The following CACNA1E variants were observed in gnomAD, a reference collection of about 807,000 sequenced individuals.
CACNA1E encodes the protein calcium voltage-gated channel subunit alpha1 E, also known as voltage-dependent R-type calcium channel subunit alpha-1E.
A neutral mutation model predicts 259.2 loss-of-function variants in CACNA1E; 40 were observed. The ratio of observed to expected loss-of-function variants is 0.15; its 90% CI spans 0.12 to 0.20. The LOEUF is 0.20. CACNA1E is among the 10% of genes least tolerant of loss of function. CACNA1E has a pLI of 1.00. For synonymous variants in CACNA1E, 1,104 were observed against 1,138.5 expected (o/e 0.97, Z 0.61); for missense variants, 1,874 against 3,040.1 (o/e 0.62, Z 9.02).
intron 1 of CACNA1E, among the ~76,000 whole-genome samples, chr1:181,335,905 ACTGT>A (rs889145748): frequency 2.6e-5 from 4 of 152,116 alleles, no homozygotes; most frequent in African/African-American, 7.2e-5. Flanking sequence ...AGCACCACAG[ACTGT>A]CTGAGCCATA....
rs79643854 is a variant in CACNA1E, at chr1:181,765,629, A to G, written c.4816-917A>G. ...CTGCTCATGCAGTCTGAAAGCCTCA[A>G]TTGATCTCCTGGGATTCATGATGTG... is the stretch of plus-strand genomic sequence containing the variant. On this transcript the variant is annotated intron_variant, in intron 34 of 47. Coordinates refer to ENST00000367573, the MANE Select transcript of CACNA1E (RefSeq NM_001205293.3). Among the ~76,000 whole-genome samples, 5 of 152,324 alleles carry G rather than the reference A, an allele frequency of 3.3e-5. No homozygotes were observed. In the East Asian group the frequency reaches 9.6e-4, roughly 29 times the overall value.
At chr1:181,330,297 C>T (rs1370704939) in intron 1 of CACNA1E, among the ~76,000 whole-genome samples, 1 of 152,140 alleles carries the variant, frequency 6.6e-6, no homozygotes, top group Non-Finnish European at 1.5e-5. Flanking sequence ...TCACCACCAC[C>T]CCTCCCTGCC....
chr1:181,400,959 C>A (rs35411026), intron 1 of CACNA1E, among the ~76,000 whole-genome samples: 2 of 152,004 alleles, frequency 1.3e-5, no homozygotes, highest in African/African-American at 2.4e-5. Flanking sequence ...CTGCTTAAAA[C>A]CCTCCAAAGG....
intron 6 of CACNA1E, among the ~76,000 whole-genome samples, chr1:181,599,992 A>T (rs940524541): frequency 2.0e-5 from 3 of 152,256 alleles, no homozygotes; most frequent in African/African-American, 7.2e-5. Context: ...AAATAAGTGT[A>T]TACTGTCAGG....
intron 7 of CACNA1E, among the ~76,000 whole-genome samples, chr1:181,698,944 A>G (rs1455076931): frequency 6.6e-6 from 1 of 152,172 alleles, no homozygotes; most frequent in Non-Finnish European, 1.5e-5. Context: ...TGCAGCAGAA[A>G]ATATTTAAGC....
chr1:181,537,224 C>T (rs1423340925), intron 3 of CACNA1E, among the ~76,000 whole-genome samples: 2 of 151,476 alleles, frequency 1.3e-5, no homozygotes, highest in Non-Finnish European at 2.9e-5. Context: ...CTCAGCTTCC[C>T]AAGTAACTGG....
At chr1:181,796,207 A>T (rs561525138) in intron 46 of CACNA1E, among the ~76,000 whole-genome samples, 1 of 152,204 alleles carries the variant, frequency 6.6e-6, no homozygotes, top group Non-Finnish European at 1.5e-5. Context: ...TCCCTTTCAG[A>T]TCATCTTTTG....
intron 2 of CACNA1E, among the ~76,000 whole-genome samples, chr1:181,463,459 A>G (rs541052244): frequency 9.9e-5 from 15 of 152,260 alleles, no homozygotes; most frequent in African/African-American, 2.9e-4. Context: ...CCATTTCTAT[A>G]TATCTTCAAC....
intron 1 of CACNA1E, among the ~76,000 whole-genome samples, chr1:181,496,013 C>T (rs190979758): frequency 5.1e-4 from 77 of 152,288 alleles, no homozygotes; most frequent in Admixed American, 1.6e-3. Context: ...TCCCTGAGAT[C>T]GCACAGTAAG....
At chr1:181,497,181 C>T (rs936428096) in intron 1 of CACNA1E, among the ~76,000 whole-genome samples, 11 of 152,054 alleles carry the variant, frequency 7.2e-5, no homozygotes, top group East Asian at 1.9e-4. Flanking sequence ...CTTTCCCTGG[C>T]GATGATTAAA....
At chr1:181,594,849 G>A (rs572385474) in intron 6 of CACNA1E, among the ~76,000 whole-genome samples, 25 of 152,324 alleles carry the variant, frequency 1.6e-4, no homozygotes, top group African/African-American at 5.8e-4. Context: ...AAAGAAAAAT[G>A]TATGTGTGAG....
chr1:181,629,691 A>G (rs1224167075), intron 6 of CACNA1E, among the ~76,000 whole-genome samples: 1 of 152,178 alleles, frequency 6.6e-6, no homozygotes, highest in African/African-American at 2.4e-5. Flanking sequence ...TTTATAAGAA[A>G]AAGACAACAT....
chr1:181,629,429 G>C (rs1656493634), intron 6 of CACNA1E, among the ~76,000 whole-genome samples: 1 of 152,150 alleles, frequency 6.6e-6, no homozygotes. Flanking sequence ...ACTTCAATCT[G>C]TAAGTTCAAT....
intron 3 of CACNA1E, among the ~76,000 whole-genome samples, chr1:181,557,349 G>A (rs1216223901): frequency 6.6e-6 from 1 of 152,186 alleles, no homozygotes; most frequent in East Asian, 1.9e-4. Flanking sequence ...TGAGTTTTCT[G>A]TACAGCCTTT....
At chr1:181,558,672 G>A (rs1244268740) in intron 3 of CACNA1E, among the ~76,000 whole-genome samples, 1 of 152,206 alleles carries the variant, frequency 6.6e-6, no homozygotes, top group East Asian at 1.9e-4. Context: ...GGAAGACAAG[G>A]TGGAAGACAG....
At chr1:181,454,068 G>C (rs1187865473) in intron 2 of CACNA1E, among the ~76,000 whole-genome samples, 2 of 152,228 alleles carry the variant, frequency 1.3e-5, no homozygotes, top group Non-Finnish European at 2.9e-5. Context: ...GGGTGGGAGA[G>C]CGTGCAGGGA....
At chr1:181,496,740 G>A (rs568568307) in intron 1 of CACNA1E, among the ~76,000 whole-genome samples, 108 of 152,300 alleles carry the variant, frequency 7.1e-4, no homozygotes, top group South Asian at 2.9e-3. Flanking sequence ...GAATTAGGAT[G>A]CACCACTTGG....
intron 1 of CACNA1E, among the ~76,000 whole-genome samples, chr1:181,489,943 G>T (rs1245696970): frequency 6.6e-6 from 1 of 152,206 alleles, no homozygotes; most frequent in Non-Finnish European, 1.5e-5. Context: ...AACATGCACA[G>T]AGAGGATGCA....
chr1:181,396,043 CA>C (rs1656659153), intron 1 of CACNA1E, among the ~76,000 whole-genome samples: 1 of 152,222 alleles, frequency 6.6e-6, no homozygotes, highest in Non-Finnish European at 1.5e-5. Flanking sequence ...GCTGTGGCCG[CA>C]GTCATCTCTA....
Sources: gnomAD v4.1 joint callset for allele counts (sites outside exome capture counted in the v4.1 genomes callset) on GRCh38, gnomAD v4.1.1 for gene constraint, MANE v1.5 for transcripts, NCBI Gene and HGNC (gene_info 2026-07-23, HGNC 2026-07-21) for gene names.